Variants in KLHL29 observed in about 807,000 individuals in gnomAD.
KLHL29 encodes kelch like family member 29.
In KLHL29, 21 loss-of-function variants were observed where a neutral mutation model predicts 80.4. That is an observed-to-expected ratio of 0.26 (90% CI 0.19 to 0.38). The LOEUF is 0.38. Ranked by LOEUF, KLHL29 falls within the 10% of genes least tolerant of loss-of-function variation. The pLI, the probability that KLHL29 is intolerant of heterozygous loss-of-function variation, is 1.00. For missense variants in KLHL29, 867 were observed against 1,223.9 expected, an observed-to-expected ratio of 0.71 and a Z score of 4.35; for synonymous variants, 511 against 526.8, an observed-to-expected ratio of 0.97 and a Z score of 0.41.
chr2:23,687,225 G>A (rs760673535), intron 6 of KLHL29, among the ~76,000 whole-genome samples: 20 of 152,186 alleles, frequency 1.3e-4, no homozygotes, highest in Non-Finnish European at 2.1e-4. Context: ...GTAGACCTCC[G>A]TGGGGATCAA....
intron 3 of KLHL29, among the ~76,000 whole-genome samples, chr2:23,589,682 T>C (rs1422050472): frequency 6.6e-6 from 1 of 152,214 alleles, no homozygotes; most frequent in Non-Finnish European, 1.5e-5. Flanking sequence ...AAGTAGGCTT[T>C]TCCTCTCTGC....
At chr2:23,531,993 G>A (rs1160495584) in intron 2 of KLHL29, among the ~76,000 whole-genome samples, 3 of 152,200 alleles carry the variant, frequency 2.0e-5, no homozygotes, top group African/African-American at 7.2e-5. Flanking sequence ...ACCTCAACGG[G>A]ACGACCAAGG....
chr2:23,392,559 A>G (rs568434665), intron 1 of KLHL29, among the ~76,000 whole-genome samples: 2 of 152,318 alleles, frequency 1.3e-5, no homozygotes, highest in Middle Eastern at 3.4e-3. Context: ...AGTACTTTAC[A>G]TATATTATCT....
intron 5 of KLHL29, among the ~76,000 whole-genome samples, chr2:23,649,874 G>A (rs938380874): frequency 9.9e-5 from 15 of 152,216 alleles, no homozygotes; most frequent in Non-Finnish European, 1.5e-4. Context: ...AGCAGACACC[G>A]GCAGGGTAAC....
chr2:23,444,306 T>C (rs1663614272), intron 1 of KLHL29, among the ~76,000 whole-genome samples: 1 of 152,206 alleles, frequency 6.6e-6, no homozygotes, highest in African/African-American at 2.4e-5. Context: ...CCTTTTTATA[T>C]ATATTTCTAT....
chr2:23,411,717 A>T (rs1666864241), intron 1 of KLHL29, among the ~76,000 whole-genome samples: 2 of 152,014 alleles, frequency 1.3e-5, no homozygotes, highest in African/African-American at 4.8e-5. Context: ...TGCCTTCTCC[A>T]CTTCCCAGAT....
intron 1 of KLHL29, among the ~76,000 whole-genome samples, chr2:23,421,524 TTGTGTGTGTGTGTGTGTG>T (rs57348539): frequency 1.8e-4 from 26 of 143,522 alleles, no homozygotes; most frequent in Admixed American, 4.9e-4. Context: ...TTAGACAAGA[TTGTGTGTGTGTGTGTGTG>T]TGTGTGTGTG....
chr2:23,631,677 G>A (rs575623344), intron 3 of KLHL29, among the ~76,000 whole-genome samples: 112 of 152,332 alleles, frequency 7.4e-4, no homozygotes, highest in African/African-American at 2.6e-3. Context: ...TTGTAGTTCA[G>A]TAGCAATCAG....
intron 2 of KLHL29, among the ~76,000 whole-genome samples, chr2:23,478,076 G>A (rs1199074096): frequency 6.6e-6 from 1 of 152,076 alleles, no homozygotes; most frequent in Non-Finnish European, 1.5e-5. Context: ...CTCTATCTCT[G>A]TGCCCCCAGA....
chr2:23,706,373 T>C, intron 13 of KLHL29, 108 bp from the exon 14 acceptor site: 1 of 846,342 alleles, frequency 1.2e-6, no homozygotes, highest in Non-Finnish European at 1.6e-6. Flanking sequence ...CCAGATGCCT[T>C]CTGCAAAAGG....
chr2:23,640,398 T>C (rs1204551180), intron 4 of KLHL29, among the ~76,000 whole-genome samples: 1 of 152,232 alleles, frequency 6.6e-6, no homozygotes, highest in Non-Finnish European at 1.5e-5. Flanking sequence ...TCCATGGCAC[T>C]GTGTCTCTGT....
At position 23,706,631 on chromosome 2, in the gene KLHL29, C is replaced by T. The variant is rs188855651; in HGVS notation, c.2595C>T (p.Cys865=). Residue 865 remains cysteine, a synonymous_variant, in exon 14 of 14, where the codon TGC becomes TGT. Coordinates refer to ENST00000486442, the MANE Select transcript of KLHL29 (RefSeq NM_052920.2). ...HMPCPVFRHG[C]VVIKKYIQSG Reference sequence around the variant, plus strand: ...CCTGCCCTGTGTTCAGACACGGCTGCGTCGTGATAAAGAAATATATTCAAA... The same window carrying T: ...CCTGCCCTGTGTTCAGACACGGCTGTGTCGTGATAAAGAAATATATTCAAA... 7.1e-3 allele frequency: 10,852 copies of T among 1,533,656 alleles called. 53 individuals are homozygous for T. The highest frequency in any genetic ancestry group is 8.6e-3 in the Non-Finnish European group (9,867 of 1,144,930).
At chr2:23,572,355 C>A (rs1667736107) in intron 3 of KLHL29, among the ~76,000 whole-genome samples, 1 of 152,222 alleles carries the variant, frequency 6.6e-6, no homozygotes, top group Non-Finnish European at 1.5e-5. Context: ...GGTTACCACC[C>A]CCTGTGATGG....
chr2:23,468,555 G>A (rs762739991), intron 1 of KLHL29, among the ~76,000 whole-genome samples: 8 of 152,064 alleles, frequency 5.3e-5, no homozygotes, highest in South Asian at 2.1e-4. Flanking sequence ...CCCCCTCCCC[G>A]CCGAGCATCA....
At chr2:23,645,362 C>T (rs2149160575) in intron 5 of KLHL29, among the ~76,000 whole-genome samples, 1 of 152,090 alleles carries the variant, frequency 6.6e-6, no homozygotes, top group African/African-American at 2.4e-5. Context: ...CTCTGAAGCC[C>T]AATTGATTTC....
chr2:23,518,181 C>T (rs1157468896), intron 2 of KLHL29, among the ~76,000 whole-genome samples: 1 of 152,184 alleles, frequency 6.6e-6, no homozygotes, highest in Non-Finnish European at 1.5e-5. Flanking sequence ...TCCGTGGGGA[C>T]CCAGCCCGGA....
At chr2:23,606,973 G>A (rs1157847317) in intron 3 of KLHL29, among the ~76,000 whole-genome samples, 2 of 152,198 alleles carry the variant, frequency 1.3e-5, no homozygotes, top group East Asian at 3.8e-4. Context: ...CCTGGCTCAT[G>A]GACAGCACCT....
chr2:23,628,856 G>C (rs934098456), intron 3 of KLHL29, among the ~76,000 whole-genome samples: 2 of 151,998 alleles, frequency 1.3e-5, no homozygotes, highest in African/African-American at 4.8e-5. Flanking sequence ...TGTGATGTGC[G>C]TCTGCGAGTC....
At chr2:23,646,016 G>GTTA (rs2149160965) in intron 5 of KLHL29, among the ~76,000 whole-genome samples, 1 of 151,722 alleles carries the variant, frequency 6.6e-6, no homozygotes, top group South Asian at 2.1e-4. Context: ...CTTTCTCTAA[G>GTTA]AACAATTTGG....
Sources: allele counts gnomAD v4.1 joint callset (sites outside exome capture counted in the v4.1 genomes callset), GRCh38; gene constraint gnomAD v4.1.1; transcripts MANE v1.5; gene names NCBI Gene and HGNC (gene_info 2026-07-23, HGNC 2026-07-21).